The following ITGB2 variants were observed in gnomAD, a reference collection of about 807,000 sequenced individuals.
ITGB2 encodes integrin beta-2.
A neutral mutation model predicts 86.8 loss-of-function variants in ITGB2; 56 were observed. The ratio of observed to expected loss-of-function variants is 0.65; its 90% CI spans 0.52 to 0.81. The LOEUF (loss-of-function observed/expected upper bound fraction) is 0.81. Among genes scored for constraint, ITGB2 ranks in the 30% least tolerant of loss-of-function variants. ITGB2 has a pLI of 0.00. For synonymous variants in ITGB2, 457 were observed against 450.4 expected, an observed-to-expected ratio of 1.01 and a Z score of -0.19; for missense variants, 948 against 1,061.2, an observed-to-expected ratio of 0.89 and a Z score of 1.48.
chr21:44,899,002 T>C, intron 8 of ITGB2, 65 bp downstream of exon 8: 1 of 1,300,304 alleles, frequency 7.7e-7, no homozygotes, highest in Non-Finnish European at 1.1e-6. Flanking sequence ...GCAGTGGCGC[T>C]GGGTCTGGCC....
At chr21:44,919,275 A>G (rs1156666246) in intron 1 of ITGB2, among the ~76,000 whole-genome samples, 2 of 152,182 alleles carry the variant, frequency 1.3e-5, no homozygotes, top group African/African-American at 2.4e-5. Flanking sequence ...GCCGCCCTGC[A>G]GGGACGTAGC....
In ITGB2 at chr21:44,889,320, C is replaced by T; in HGVS notation, c.1833G>A (p.Leu611=). 5 of 1,612,904 alleles carry T rather than the reference C, an allele frequency of 3.1e-6. No homozygotes were observed. Among genetic ancestry groups the T allele is most frequent in the Admixed American group, 1.7e-5 (1 of 60,018 alleles). The part of the protein sequence containing the change: ...CECHSGYQLP[L]CQECPGCPSP... ...AGGGGCAGCCGGGGCACTCCTGGCACAGAGGCAGCTGGTAGCCTGAATGGC... is the reference window on the plus strand; with the variant it reads ...AGGGGCAGCCGGGGCACTCCTGGCATAGAGGCAGCTGGTAGCCTGAATGGC... The change falls in exon 13 of 16, where the codon CTG becomes CTA. Residue 611 remains leucine, a synonymous_variant. Coordinates refer to ENST00000652462, the MANE Select transcript of ITGB2 (RefSeq NM_000211.5).
chr21:44,910,464 A>G, intron 2 of ITGB2, 92 bp from the exon 3 acceptor site: 1 of 1,596,476 alleles, frequency 6.3e-7, no homozygotes, highest in Non-Finnish European at 8.5e-7. Flanking sequence ...AGGAGGCCCA[A>G]AAAGACAGGG....
At chr21:44,911,823 A>T (rs2146549567) in intron 1 of ITGB2, among the ~76,000 whole-genome samples, 1 of 152,290 alleles carries the variant, frequency 6.6e-6, no homozygotes, top group East Asian at 1.9e-4. Flanking sequence ...AGCGGGCAGC[A>T]GGGCCGTTCC....
At chr21:44,888,668 C>A in intron 14 of ITGB2, 25 bp downstream of exon 14, 1 of 1,601,480 alleles carries the variant, frequency 6.2e-7, no homozygotes, top group East Asian at 2.2e-5. Flanking sequence ...TGGAGCCGGT[C>A]CCCGCTGCAC....
chr21:44,901,184 C>A (rs902058302), intron 6 of ITGB2, among the ~76,000 whole-genome samples: 3 of 152,232 alleles, frequency 2.0e-5, no homozygotes, highest in Admixed American at 1.3e-4. Flanking sequence ...TGCTGCCTAG[C>A]GGCCCTGTTC....
At chr21:44,887,051 G>T in intron 14 of ITGB2, 149 bp from the exon 15 acceptor site, 1 of 965,914 alleles carries the variant, frequency 1.0e-6, no homozygotes, top group Non-Finnish European at 1.6e-6. Context: ...ATGGCCAGGG[G>T]TCAGTGAGAA....
intron 5 of ITGB2, among the ~76,000 whole-genome samples, chr21:44,902,736 G>T (rs1311369549): frequency 6.6e-6 from 1 of 151,992 alleles, no homozygotes; most frequent in Admixed American, 6.6e-5. Flanking sequence ...ATGCATTTGT[G>T]TGTGAGCGTG....
At chr21:44,914,009 G>A (rs1568905285) in intron 1 of ITGB2, among the ~76,000 whole-genome samples, 1 of 152,054 alleles carries the variant, frequency 6.6e-6, no homozygotes, top group Non-Finnish European at 1.5e-5. Flanking sequence ...CCCAGCCCCT[G>A]AGCTGGCCCC....
At position 44,910,602 on chromosome 21, in the gene ITGB2, C is replaced by A. The variant is rs763023598; in HGVS notation, c.58+123G>T. The A allele has an allele frequency of 7.2e-6, 10 of 1,381,024 alleles. No homozygotes were observed. In the Admixed American group the frequency reaches 1.2e-4, roughly 16 times the overall value. The allele number at this position is 1,381,024 out of a possible 1,614,324, so 85.5% of individuals were successfully genotyped here. On this transcript the variant is annotated intron_variant, in intron 2 of 15. Transcript: ENST00000652462. The stretch of plus-strand genomic sequence containing the variant: ...CGAGGCCTGAGTCCCCGACCTACCC[C>A]CAGTGGCAAGGTCCTTCCCCAGCCT...
intron 1 of ITGB2, among the ~76,000 whole-genome samples, chr21:44,914,780 T>G (rs2146554835): frequency 6.6e-6 from 1 of 151,484 alleles, no homozygotes; most frequent in East Asian, 2.0e-4. Context: ...AAATAGAAAA[T>G]AAATTAGCCA....
chr21:44,923,151 A>T (rs1031413411), upstream of ITGB2, among the ~76,000 whole-genome samples: 2 of 152,222 alleles, frequency 1.3e-5, no homozygotes, highest in South Asian at 4.1e-4. Context: ...ACAAAGAAGC[A>T]TCAGGAGGGT....
In ITGB2 at chr21:44,886,786, G is replaced by C; in HGVS notation, c.2197C>G (p.Arg733Gly). ...WKALIHLSDL[R>G]EYRRFEKEKL... ...TCCTTCTCAAAGCGCCTGTACTCCC[G>C]GAGGTCGCTCAGGTGGATCAGAGCC... The change falls in exon 15 of 16, where the codon CGG becomes GGG. Residue 733 changes from arginine (R) to glycine (G), a missense_variant. By Grantham distance (125) the Arg-to-Gly change is moderately radical. Coordinates refer to ENST00000652462, the MANE Select transcript of ITGB2 (RefSeq NM_000211.5). 1 of 1,614,036 alleles carries C rather than the reference G, an allele frequency of 6.2e-7. No individual in the cohort carries two copies. The highest frequency in any genetic ancestry group is 8.5e-7 in the Non-Finnish European group (1 of 1,180,030).
chr21:44,907,165 G>T, intron 3 of ITGB2, 70 bp from the exon 4 acceptor site: 1 of 1,171,024 alleles, frequency 8.5e-7, no homozygotes, highest in Non-Finnish European at 1.2e-6. Flanking sequence ...ACTGGCCATG[G>T]AGGACTGAGG....
Position 44,910,731 on chromosome 21 carries a change from C to G in ITGB2, c.52G>C (p.Gly18Arg). The G allele has an allele frequency of 6.2e-7, 1 of 1,614,006 alleles. No individual in the cohort carries two copies. The highest frequency in any genetic ancestry group is 8.5e-7 in the Non-Finnish European group (1 of 1,179,946). Reference protein sequence around the residue: ...LLALVGLLSLGCVLSQECTKF... With the variant: ...LLALVGLLSLRCVLSQECTKF... ...CGTGGAACACAGAACTCACCGCACC[C>G]GAGGGAGAGCAGCCCCACCAGGGCG... The change falls in exon 2 of 16, where the codon GGG (glycine) becomes CGG (arginine). Residue 18 changes from glycine (G) to arginine (R), a missense_variant. Transcript: ENST00000652462.
intron 9 of ITGB2, chr21:44,894,623 T>G: frequency 2.8e-6 from 1 of 359,742 alleles, no homozygotes; most frequent in Non-Finnish European, 5.4e-6. Flanking sequence ...ACTGTGGGGG[T>G]TTCCTGTGGC....
intron 13 of ITGB2, 39 bp from the exon 14 acceptor site, chr21:44,888,934 G>C: frequency 1.3e-6 from 2 of 1,583,796 alleles, no homozygotes; most frequent in Non-Finnish European, 1.7e-6. Flanking sequence ...GCCAGGGTGT[G>C]CGGGGGCTCC....
At position 44,891,796 on chromosome 21, in the gene ITGB2, G is replaced by C. The variant is rs1282250842; in HGVS notation, c.1412+13C>G. 6.2e-7 allele frequency: 1 copy of C among 1,601,142 alleles called. No homozygotes were observed. Among genetic ancestry groups the C allele is most frequent in the African/African-American group, 1.3e-5 (1 of 74,922 alleles). On this transcript the variant is annotated intron_variant, in intron 11 of 15. Coordinates refer to ENST00000652462, the MANE Select transcript of ITGB2 (RefSeq NM_000211.5). ...CTCGGGGATGGTTCAACAGGGACCT[G>C]CGCCCGCCTCACCTGCAGATGCCGC... is the stretch of plus-strand genomic sequence containing the variant.
At chr21:44,922,273 T>G (rs1380075066), upstream of ITGB2, among the ~76,000 whole-genome samples, 1 of 152,226 alleles carries the variant, frequency 6.6e-6, no homozygotes, top group East Asian at 1.9e-4. Context: ...TGCTTGTCAG[T>G]GGGCATTTTG....
Sources: allele counts gnomAD v4.1 joint callset (sites outside exome capture counted in the v4.1 genomes callset), GRCh38; gene constraint gnomAD v4.1.1; transcripts MANE v1.5; gene names NCBI Gene and HGNC (gene_info 2026-07-23, HGNC 2026-07-21).